CDK14: variants seen among roughly 807,000 people sequenced by gnomAD.
CDK14 encodes cyclin dependent kinase 14.
CDK14 carries 34 observed loss-of-function variants against 60.7 expected under a neutral mutation model. That is an observed-to-expected ratio of 0.56 (90% confidence interval 0.43 to 0.75). The LOEUF is 0.75. Among genes scored for constraint, CDK14 ranks in the 30% least tolerant of loss-of-function variants. The pLI, the probability that CDK14 is intolerant of heterozygous loss-of-function variation, is 0.00. For synonymous variants in CDK14, 197 were observed against 203.7 expected (o/e 0.97, Z 0.28); for missense variants, 482 against 564.1 (o/e 0.85, Z 1.47).
At chr7:90,805,301 G>A (rs540072630) in intron 5 of CDK14, among the ~76,000 whole-genome samples, 8 of 152,156 alleles carry the variant, frequency 5.3e-5, no homozygotes, top group African/African-American at 1.9e-4. Context: ...ATCATTTAAT[G>A]TAATACCATG....
chr7:90,736,845 G>A (rs942904371), intron 3 of CDK14, among the ~76,000 whole-genome samples: 2 of 151,982 alleles, frequency 1.3e-5, no homozygotes, highest in Non-Finnish European at 2.9e-5. Context: ...TCACATACAG[G>A]CCATTATATA....
chr7:91,002,032 C>A (rs1584218156), intron 10 of CDK14, among the ~76,000 whole-genome samples: 1 of 152,202 alleles, frequency 6.6e-6, no homozygotes, highest in South Asian at 2.1e-4. Flanking sequence ...TTGGAAGACC[C>A]AACCTGTAGT....
intron 3 of CDK14, among the ~76,000 whole-genome samples, chr7:90,732,309 G>A (rs963078694): frequency 2.0e-5 from 3 of 151,766 alleles, no homozygotes; most frequent in Non-Finnish European, 2.9e-5. Flanking sequence ...TTCTTTTTTT[G>A]TTGTGTCTCT....
At chr7:91,184,886 G>C (rs1336262048) in intron 14 of CDK14, among the ~76,000 whole-genome samples, 2 of 151,878 alleles carry the variant, frequency 1.3e-5, no homozygotes, top group Non-Finnish European at 2.9e-5. Context: ...CAGGCAGTAG[G>C]GTTGGGGTCG....
rs1267435147 is a variant in CDK14 at position 90,963,121 on chromosome 7, G to GTGTGTGTGTGTGTGTGTGTGTGTT, written c.947+7307_947+7308insGTGTGTGTGTGTGTGTGTGTTTGT. Among the ~76,000 whole-genome samples, 7 of 142,342 alleles carry GTGTGTGTGTGTGTGTGTGTGTGTT rather than the reference G, an allele frequency of 4.9e-5. No individual in the cohort carries two copies. The East Asian group carries it at 1.2e-3, about 25-fold the overall frequency. 93.4% of individuals were successfully genotyped at this position (142,342 alleles called of 152,430 possible). A position where few individuals can be genotyped will look rare whatever the true frequency, so the allele number is the denominator to read the frequency against. On this transcript the variant is annotated intron_variant, in intron 9 of 14. Transcript: ENST00000380050. Reference sequence around the variant, plus strand: ...TGTGTGTGTGTGTGTGTGTGTGTGTGTGTTTTAATTTAGAAATATATAGGC... The same window carrying GTGTGTGTGTGTGTGTGTGTGTGTT: ...TGTGTGTGTGTGTGTGTGTGTGTGTGTGTGTGTGTGTGTGTGTGTGTGTTTGTTTTAATTTAGAAATATATAGGC...
intron 14 of CDK14, among the ~76,000 whole-genome samples, chr7:91,144,383 G>C (rs916104856): frequency 6.6e-6 from 1 of 152,140 alleles, no homozygotes; most frequent in Admixed American, 6.5e-5. Context: ...TTCTACATAA[G>C]CATTTGTTTT....
chr7:91,185,364 CTTTG>C (rs1337558114), intron 14 of CDK14, among the ~76,000 whole-genome samples: 1 of 145,730 alleles, frequency 6.9e-6, no homozygotes, highest in Non-Finnish European at 1.5e-5. Context: ...ATTTTTAAAA[CTTTG>C]TTTAAAACTA....
chr7:90,773,393 A>C (rs1321594343), intron 4 of CDK14, among the ~76,000 whole-genome samples: 3 of 152,242 alleles, frequency 2.0e-5, no homozygotes, highest in African/African-American at 7.2e-5. Flanking sequence ...AAGTGAAGAC[A>C]GTGGTAGTAT....
intron 2 of CDK14, among the ~76,000 whole-genome samples, chr7:90,682,029 T>C (rs1005915329): frequency 6.6e-6 from 1 of 152,230 alleles, no homozygotes; most frequent in African/African-American, 2.4e-5. Context: ...TGGTATCCAC[T>C]GCATTAATAA....
At chr7:91,057,966 G>A (rs1290136747) in intron 11 of CDK14, among the ~76,000 whole-genome samples, 2 of 151,958 alleles carry the variant, frequency 1.3e-5, no homozygotes, top group East Asian at 1.9e-4. Flanking sequence ...GCTTGATGGG[G>A]ATGGCATTGA....
At chr7:90,842,622 C>T (rs915902199) in intron 5 of CDK14, among the ~76,000 whole-genome samples, 19 of 152,106 alleles carry the variant, frequency 1.2e-4, no homozygotes, top group African/African-American at 3.1e-4. Context: ...TGCGTCTGTG[C>T]GTGCATACAC....
intron 13 of CDK14, among the ~76,000 whole-genome samples, chr7:91,117,233 A>G (rs1349271887): frequency 6.7e-6 from 1 of 149,896 alleles, no homozygotes; most frequent in Non-Finnish European, 1.5e-5. Flanking sequence ...TTTTGGTTCT[A>G]CTCCACATTC....
intron 2 of CDK14, among the ~76,000 whole-genome samples, chr7:90,700,205 T>G (rs1211912288): frequency 6.6e-6 from 1 of 152,314 alleles, no homozygotes; most frequent in East Asian, 1.9e-4. Flanking sequence ...GTGATTCTCC[T>G]GCCTTAGCCT....
At chr7:91,105,518 A>G (rs1218358087) in intron 12 of CDK14, among the ~76,000 whole-genome samples, 1 of 152,226 alleles carries the variant, frequency 6.6e-6, no homozygotes. Context: ...AACCAACAGC[A>G]AGAACTTGGA....
At chr7:91,157,702 C>T (rs1238419218) in intron 14 of CDK14, among the ~76,000 whole-genome samples, 2 of 152,162 alleles carry the variant, frequency 1.3e-5, no homozygotes, top group East Asian at 3.8e-4. Flanking sequence ...TGAGAAGTGA[C>T]TGTAATGATA....
In CDK14 at chr7:91,068,840, C is replaced by CCAGAT. The variant is rs1165139849; in HGVS notation, c.1106-10589_1106-10585dup. On this transcript the variant is annotated intron_variant, in intron 11 of 14. Transcript: ENST00000380050. ...AAAAAAAAAAAAAAAAAAGCCCATA[C>CCAGAT]CAGATCATATCTTAAAGGCCACAAA... 2.2e-5 allele frequency among the ~76,000 whole-genome samples: 3 copies of CCAGAT among 138,098 alleles called. No homozygotes were observed. The East Asian group carries it at 6.8e-4, about 31-fold the overall frequency. The allele number at this position is 138,098 out of a possible 152,430, so 90.6% of individuals were successfully genotyped here.
At chr7:90,843,905 A>G (rs1031206140) in intron 5 of CDK14, among the ~76,000 whole-genome samples, 7 of 152,190 alleles carry the variant, frequency 4.6e-5, no homozygotes, top group Non-Finnish European at 1.0e-4. Context: ...ACTGATATAT[A>G]TCCCATTGTC....
chr7:91,031,649 C>A (rs1796762432), intron 10 of CDK14, among the ~76,000 whole-genome samples: 1 of 152,092 alleles, frequency 6.6e-6, no homozygotes, highest in Non-Finnish European at 1.5e-5. Flanking sequence ...GTAGTGAGTT[C>A]ATGGGTCCTT....
chr7:90,849,152 G>T (rs1010842494), intron 5 of CDK14, among the ~76,000 whole-genome samples: 1 of 152,094 alleles, frequency 6.6e-6, no homozygotes, highest in Admixed American at 6.5e-5. Flanking sequence ...ATGGCTTGGT[G>T]CTCTTACGGG....
Sources: gnomAD v4.1 joint callset for allele counts (sites outside exome capture counted in the v4.1 genomes callset) on GRCh38, gnomAD v4.1.1 for gene constraint, MANE v1.5 for transcripts, NCBI Gene and HGNC (gene_info 2026-07-23, HGNC 2026-07-21) for gene names.